The following NLRP1 variants were observed in gnomAD, a reference collection of about 807,000 sequenced individuals.
NLRP1 encodes NACHT, LRR and PYD domains-containing protein 1.
In NLRP1, 94 loss-of-function variants were observed where a neutral mutation model predicts 136.7. The observed-to-expected ratio is 0.69, with a 90% confidence interval of 0.58 to 0.82. NLRP1 has a LOEUF of 0.82. NLRP1 is among the 40% of genes least tolerant of loss of function. The pLI, the probability that NLRP1 is intolerant of heterozygous loss-of-function variation, is 0.00. For missense variants in NLRP1, 1,575 were observed against 1,802.7 expected (o/e 0.87, Z 2.29); for synonymous variants, 690 against 725.1 (o/e 0.95, Z 0.78).
chr17:5,558,498 T>C lies in NLRP1; in HGVS notation c.2198A>G (p.Gln733Arg), dbSNP rs980622996. Reference sequence around the variant, plus strand: ...CATTTCTTCGAAATGGGCCATCACTTGTGTCAGGAACGTTTTGTTCCGAGT... The same window carrying C: ...CATTTCTTCGAAATGGGCCATCACTCGTGTCAGGAACGTTTTGTTCCGAGT... The part of the protein sequence containing the change: ...YETRNKTFLT[Q>R]VMAHFEEMGM... Residue 733 changes from glutamine to arginine, a missense_variant, in exon 4 of 17, where the codon CAA becomes CGA. Coordinates refer to ENST00000572272, the MANE Select transcript of NLRP1 (RefSeq NM_033004.4). 1.9e-6 allele frequency: 3 copies of C among 1,614,046 alleles called. No homozygotes were observed. Among genetic ancestry groups the C allele is most frequent in the Non-Finnish European group, 2.5e-6 (3 of 1,179,990 alleles).
At chr17:5,543,562 T>C (rs12947593) in intron 5 of NLRP1, among the ~76,000 whole-genome samples, 7,167 of 152,104 alleles carry the variant, frequency 0.047, 194 homozygotes, top group Middle Eastern at 0.085. Flanking sequence ...ATGTGGTCTC[T>C]GCATTGCTTT....
chr17:5,583,716 G>A lies in NLRP1; in HGVS notation c.242C>T (p.Ser81Leu). The A allele has an allele frequency of 1.3e-6, 2 of 1,554,086 alleles. No homozygotes were observed. Among genetic ancestry groups the A allele is most frequent in the Non-Finnish European group, 1.7e-6 (2 of 1,149,074 alleles). Residue 81 changes from serine to leucine, a missense_variant, in exon 1 of 17, where the codon TCA (serine) becomes TTA (leucine). Coordinates refer to ENST00000572272, the MANE Select transcript of NLRP1 (RefSeq NM_033004.4). The surrounding 1 kb of genome is among the most constrained non-coding windows in gnomAD (Gnocchi z 4.5). ...LHTWEQMGLR[S>L]LCAQAQEGAG... Reference sequence around the variant, plus strand: ...CCCTTCCTGGGCTTGGGCGCACAGTGACCTCAGCCCCATCTGCTCCCAGGT... The same window carrying A: ...CCCTTCCTGGGCTTGGGCGCACAGTAACCTCAGCCCCATCTGCTCCCAGGT...
Position 5,575,064 on chromosome 17 carries a change from A to C in NLRP1, c.652+6795T>G, listed in dbSNP as rs538732347. On this transcript the variant is annotated intron_variant, in intron 3 of 16. Coordinates refer to ENST00000572272, the MANE Select transcript of NLRP1 (RefSeq NM_033004.4). ...GGAGAAATAAAATCCTTTACAGACA[A>C]GCAAATGCTGAGAGATTTTGTCACC... Among the ~76,000 whole-genome samples the C allele has an allele frequency of 1.1e-3, 168 of 152,274 alleles. 2 individuals are homozygous for C. The highest frequency in any genetic ancestry group is 3.9e-3 in the African/African-American group (160 of 41,544).
rs756780801 is a variant in NLRP1, at chr17:5,530,535, C to T, written c.3466G>A (p.Ala1156Thr). 1 of 1,614,232 alleles carries T rather than the reference C, an allele frequency of 6.2e-7. No homozygotes were observed. Among genetic ancestry groups the T allele is most frequent in the Non-Finnish European group, 8.5e-7 (1 of 1,180,040 alleles). The part of the protein sequence containing the change: ...MVAGPLLDIK[A>T]EPGAVEAVHL... ...ACAGCTTCCACAGCTCCAGGCTCAG[C>T]CTTGATGTCCAGCAGAGGCCCTGCC... Residue 1156 changes from alanine (A) to threonine (T), a missense_variant, in exon 12 of 17, where the codon GCT becomes ACT. By Grantham distance (58) the Ala-to-Thr change is moderately conservative (BLOSUM62 0). Transcript: ENST00000572272.
chr17:5,536,234 T>C (rs11656036), intron 8 of NLRP1, among the ~76,000 whole-genome samples: 7,067 of 151,606 alleles, frequency 0.047, 188 homozygotes, highest in Middle Eastern at 0.088. Flanking sequence ...CTGCAACCTC[T>C]GTCTCCTGGG....
intron 2 of NLRP1, 74 bp downstream of exon 2, chr17:5,582,596 G>A (rs747334555): frequency 2.0e-5 from 28 of 1,431,510 alleles, no homozygotes; most frequent in Non-Finnish European, 2.5e-5. Flanking sequence ...GCACAGACAT[G>A]ATCCTCTGGG....
chr17:5,542,110 C>G, intron 5 of NLRP1, 83 bp from the exon 6 acceptor site: 1 of 1,389,614 alleles, frequency 7.2e-7, no homozygotes, highest in South Asian at 1.3e-5. Context: ...TAATCACCTA[C>G]TATGCACCAG....
downstream of NLRP1, among the ~76,000 whole-genome samples, chr17:5,511,618 G>A (rs1016816458): frequency 2.0e-5 from 3 of 152,072 alleles, no homozygotes; most frequent in Admixed American, 1.3e-4. Context: ...GGCAACTAAC[G>A]TGAGGACTTG....
At chr17:5,511,094 C>T (rs184579762), downstream of NLRP1, among the ~76,000 whole-genome samples, 1 of 152,214 alleles carries the variant, frequency 6.6e-6, no homozygotes, top group African/African-American at 2.4e-5. Context: ...ATTTGATTCC[C>T]AGCTCACTGC....
At chr17:5,569,280 A>G (rs1915631131) in intron 3 of NLRP1, among the ~76,000 whole-genome samples, 1 of 152,126 alleles carries the variant, frequency 6.6e-6, no homozygotes, top group Admixed American at 6.5e-5. Context: ...ATCGATATTA[A>G]TCCAAATGTA....
rs1301174577 is a variant in NLRP1, at chr17:5,553,543, G to C, written c.2371C>G (p.Pro791Ala). The stretch of plus-strand genomic sequence containing the variant: ...ATCTGCCAATAGGCATCTGTGACTG[G>C]GACCCACCTGAACCTGAGGGGGAGA... The part of the protein sequence containing the change: ...PTMVVLFRWV[P>A]VTDAYWQILF... Residue 791 changes from proline (P) to alanine (A), a missense_variant, in exon 5 of 17, where the codon CCA becomes GCA. By Grantham distance (27) the Pro-to-Ala change is conservative (BLOSUM62 -1). Transcript: ENST00000572272. 2 of 1,613,790 alleles carry C rather than the reference G, an allele frequency of 1.2e-6. No homozygotes were observed. Among genetic ancestry groups the C allele is most frequent in the African/African-American group, 2.7e-5 (2 of 74,912 alleles).
intron 3 of NLRP1, among the ~76,000 whole-genome samples, chr17:5,573,087 A>G (rs957711866): frequency 4.6e-5 from 7 of 152,282 alleles, no homozygotes; most frequent in Admixed American, 3.9e-4. Flanking sequence ...GCTGTGACAG[A>G]TGGCACCTGG....
chr17:5,521,784 C>T lies in NLRP1; in HGVS notation c.3523G>A (p.Gly1175Ser). The T allele has an allele frequency of 3.1e-6, 5 of 1,592,040 alleles. No homozygotes were observed. The highest frequency in any genetic ancestry group is 3.4e-6 in the Non-Finnish European group (4 of 1,168,570). Reference protein sequence around the residue: ...HLPHFVALQGGHVDTSLFQMA... With the variant: ...HLPHFVALQGSHVDTSLFQMA... ...TGGAACAGGGATGTGTCCACATGGC[C>T]CCCTGTAAAAGAATGGATTGAAGAG... The change falls in exon 13 of 17, where the codon GGC becomes AGC. Residue 1175 changes from glycine (G) to serine (S), a missense_variant and splice_region_variant. By Grantham distance (56) the Gly-to-Ser change is moderately conservative. Transcript: ENST00000572272.
Position 5,515,529 on chromosome 17 carries a change from CAG to C in NLRP1, c.4058-14_4058-13del, listed in dbSNP as rs1907989345. On this transcript the variant is annotated splice_polypyrimidine_tract_variant and intron_variant, in intron 15 of 16. Coordinates refer to ENST00000572272, the MANE Select transcript of NLRP1 (RefSeq NM_033004.4). ...AGGCATGAGATCTCCTGGAGGAAAA[CAG>C]AGATGAAGATGCATCTGAAACAGTG... 2 of 1,610,036 alleles carry C rather than the reference CAG, an allele frequency of 1.2e-6. No individual in the cohort carries two copies. Among genetic ancestry groups the C allele is most frequent in the African/African-American group, 1.3e-5 (1 of 74,830 alleles).
intron 3 of NLRP1, among the ~76,000 whole-genome samples, chr17:5,561,007 C>T (rs1415446926): frequency 6.6e-6 from 1 of 152,240 alleles, no homozygotes; most frequent in African/African-American, 2.4e-5. Flanking sequence ...TTCTTTTCTT[C>T]ACAATATGTT....
intron 4 of NLRP1, among the ~76,000 whole-genome samples, chr17:5,553,897 C>T (rs1913701584): frequency 6.6e-6 from 1 of 150,644 alleles, no homozygotes; most frequent in Non-Finnish European, 1.5e-5. Flanking sequence ...CAGCATAGGG[C>T]CTGGCCTCGG....
intron 12 of NLRP1, among the ~76,000 whole-genome samples, chr17:5,522,209 G>C (rs1273057092): frequency 3.3e-5 from 5 of 152,240 alleles, no homozygotes; most frequent in African/African-American, 9.6e-5. Flanking sequence ...GTACCCTCTT[G>C]GGGGAGCCCA....
chr17:5,513,447 A>G (rs1907763724), downstream of NLRP1, among the ~76,000 whole-genome samples: 1 of 152,140 alleles, frequency 6.6e-6, no homozygotes, highest in Non-Finnish European at 1.5e-5. Flanking sequence ...ACTAGGTGCT[A>G]TTTGATTTTA....
At position 5,508,065 on chromosome 17, in the gene NLRP1, C is replaced by T. The variant is rs552513956; in HGVS notation, c.4070-6193G>A. Among the ~76,000 whole-genome samples, 11 of 151,658 alleles carry T rather than the reference C, an allele frequency of 7.3e-5. No individual in the cohort carries two copies. In the East Asian group the frequency reaches 9.7e-4, roughly 13 times the overall value. ...AGGAGAATTGCTTGAACCATGGAGG[C>T]GGAGGTTGCGGTGAGCTGACATCGT... On this transcript the variant is annotated intron_variant, in intron 15 of 15. Transcript: ENST00000262467.
Sources: gnomAD v4.1 joint callset for allele counts (sites outside exome capture counted in the v4.1 genomes callset) on GRCh38, gnomAD v4.1.1 for gene constraint, Gnocchi (gnomAD v3.1) non-coding constraint, MANE v1.5 for transcripts, NCBI Gene and HGNC (gene_info 2026-07-23, HGNC 2026-07-21) for gene names.